CSMD2: variants seen among roughly 807,000 people sequenced by gnomAD.
CSMD2 encodes CUB and sushi domain-containing protein 2.
A neutral mutation model predicts 398.5 loss-of-function variants in CSMD2; 130 were observed. That is an observed-to-expected ratio of 0.33 (90% CI 0.28 to 0.38). The LOEUF is 0.38. CSMD2 is among the 10% of genes least tolerant of loss of function. The pLI is 1.00. For missense variants in CSMD2, 3,829 were observed against 4,764.9 expected (o/e 0.80, Z 5.78); for synonymous variants, 1,828 against 1,908.5 (o/e 0.96, Z 1.10).
At chr1:33,605,238 C>G in intron 42 of CSMD2, 44 bp downstream of exon 42, 1 of 1,576,808 alleles carries the variant, frequency 6.3e-7, no homozygotes, top group Non-Finnish European at 8.7e-7. Context: ...CCAGTCTCCA[C>G]GAGTACCCCA....
chr1:33,717,914 TATTC>T (rs879097850), intron 19 of CSMD2, among the ~76,000 whole-genome samples: 36 of 152,206 alleles, frequency 2.4e-4, no homozygotes, highest in Admixed American at 1.6e-3. Context: ...AAAGTAATGA[TATTC>T]ATTAACATTT....
chr1:34,081,445 C>T (rs757818307), intron 2 of CSMD2, among the ~76,000 whole-genome samples: 1 of 151,682 alleles, frequency 6.6e-6, no homozygotes, highest in Non-Finnish European at 1.5e-5. Flanking sequence ...CTTCGTCTCC[C>T]GCTTTCCATG....
chr1:33,602,337 C>G (rs752873334), intron 43 of CSMD2, 32 bp downstream of exon 43: 30 of 1,611,298 alleles, frequency 1.9e-5, no homozygotes, highest in Non-Finnish European at 2.5e-5. Context: ...ATGCTCCTTT[C>G]TAATTGGCTG....
At position 33,838,040 on chromosome 1, in the gene CSMD2, A is replaced by G. The variant is rs374193441; in HGVS notation, c.1033+8844T>C. On this transcript the variant is annotated intron_variant, in intron 6 of 70. Coordinates refer to ENST00000373381, the MANE Select transcript of CSMD2 (RefSeq NM_001281956.2). ...AGGACCTGTTAGGAGAGGAGAGAGC[A>G]AAGGGAGGCCTAACCTGTCTCCAAG... 7.7e-4 allele frequency among the ~76,000 whole-genome samples: 117 copies of G among 152,334 alleles called. No individual in the cohort carries two copies. The East Asian group carries it at 0.019, about 24-fold the overall frequency.
chr1:34,032,504 C>A (rs1037022729), intron 3 of CSMD2, 90 bp downstream of exon 3: 3 of 817,692 alleles, frequency 3.7e-6, no homozygotes, highest in African/African-American at 1.8e-5. Context: ...CTGAAGAACA[C>A]TTCCCTGCAT....
chr1:33,811,330 C>A (rs1189933155), intron 9 of CSMD2, among the ~76,000 whole-genome samples: 2 of 152,186 alleles, frequency 1.3e-5, no homozygotes, highest in Non-Finnish European at 2.9e-5. Flanking sequence ...GGACCTAATG[C>A]TGCTTAACTA....
chr1:33,624,661 C>G lies in CSMD2; in HGVS notation c.5501-18G>C, dbSNP rs759551667. On this transcript the variant is annotated intron_variant, in intron 34 of 70. Transcript: ENST00000373381. This position sits in a 1 kb window ranked among gnomAD's most constrained non-coding sequence, Gnocchi z 4.7. ...ACACGGCACTGGGAGGAGAGGCCAT[C>G]GGGTCAGAGGCTTTGTGGCCTCCCG... 4 of 1,607,860 alleles carry G rather than the reference C, an allele frequency of 2.5e-6. 1 individual carries two copies. The South Asian group carries it at 3.3e-5, about 13-fold the overall frequency.
chr1:33,703,930 G>T (rs555249238), intron 22 of CSMD2, among the ~76,000 whole-genome samples: 3 of 152,090 alleles, frequency 2.0e-5, no homozygotes, highest in African/African-American at 7.2e-5. Context: ...CATTGAAGTT[G>T]AGCATCTTTT....
intron 14 of CSMD2, among the ~76,000 whole-genome samples, chr1:33,740,880 G>A (rs1647038417): frequency 6.6e-6 from 1 of 152,150 alleles, no homozygotes; most frequent in Non-Finnish European, 1.5e-5. Flanking sequence ...GCAGGAATAT[G>A]GAGTTATTTC....
intron 20 of CSMD2, among the ~76,000 whole-genome samples, chr1:33,715,054 C>T (rs1477504975): frequency 2.6e-5 from 4 of 152,166 alleles, no homozygotes; most frequent in Admixed American, 1.3e-4. Context: ...TCTGCACCCA[C>T]TCCTGTGAGC....
rs373741132 is a variant in CSMD2, at chr1:33,614,024, G to A, written c.6133+480C>T. ...CCAGCTAGAATGTGCATACGAAGAA[G>A]AATGCAAACTCGATTTCTCATTGAT... On this transcript the variant is annotated intron_variant, in intron 40 of 70. Coordinates refer to ENST00000373381, the MANE Select transcript of CSMD2 (RefSeq NM_001281956.2). Among the ~76,000 whole-genome samples the A allele has an allele frequency of 1.2e-4, 19 of 152,184 alleles. No individual in the cohort carries two copies. In the East Asian group the frequency reaches 3.3e-3, roughly 26 times the overall value.
chr1:34,081,414 C>T (rs1657099828), intron 2 of CSMD2, among the ~76,000 whole-genome samples: 1 of 151,742 alleles, frequency 6.6e-6, no homozygotes, highest in South Asian at 2.1e-4. Flanking sequence ...CCCCCTCCCC[C>T]TCCCCCTCCC....
chr1:34,103,454 A>T (rs11577333), intron 1 of CSMD2, among the ~76,000 whole-genome samples: 2 of 151,404 alleles, frequency 1.3e-5, no homozygotes, highest in African/African-American at 2.4e-5. Context: ...ACCCGCCACC[A>T]CGCCCAGCTA....
chr1:33,858,851 A>C (rs989742638), intron 5 of CSMD2, among the ~76,000 whole-genome samples: 1 of 152,252 alleles, frequency 6.6e-6, no homozygotes, highest in African/African-American at 2.4e-5. Flanking sequence ...GTGTGAGTAC[A>C]TGAGTGAGTG....
chr1:33,658,094 A>T lies in CSMD2; in HGVS notation c.4299T>A (p.Asn1433Lys), dbSNP rs748997896. The change falls in exon 27 of 71, where the codon AAT becomes AAA. Residue 1433 changes from asparagine (N) to lysine (K), a missense_variant. Around this residue, in one of 5 missense-constraint regions of CSMD2, gnomAD observed 2,001 missense variants for 2,567.1 expected, o/e 0.78. Coordinates refer to ENST00000373381, the MANE Select transcript of CSMD2 (RefSeq NM_001281956.2). Reference protein sequence around the residue: ...TSCNDPGIPQNGSRSGDSWEA... With the variant: ...TSCNDPGIPQKGSRSGDSWEA... ...CCCAACTGTCACCACTCCGACTCCC[A>T]TTCTGCGGGATCCCAGGGTCATTGC... 3.1e-6 allele frequency: 5 copies of T among 1,614,014 alleles called. No homozygotes were observed. The highest frequency in any genetic ancestry group is 4.2e-6 in the Non-Finnish European group (5 of 1,180,016).
rs1389447920 is a variant in CSMD2 at position 34,163,379 on chromosome 1, T to G, written c.187+1532A>C. Reference sequence around the variant, plus strand: ...TCTGGGTGTCGGTGGCTATGACTCTTAGCAGAACCTAAGAAAGTCCCGTCA... The same window carrying G: ...TCTGGGTGTCGGTGGCTATGACTCTGAGCAGAACCTAAGAAAGTCCCGTCA... On this transcript the variant is annotated intron_variant, in intron 1 of 70. Coordinates refer to ENST00000373381, the MANE Select transcript of CSMD2 (RefSeq NM_001281956.2). The surrounding 1 kb of genome is among the most constrained non-coding windows in gnomAD (Gnocchi z 5.4). Among the ~76,000 whole-genome samples the G allele has an allele frequency of 6.6e-6, 1 of 152,094 alleles. No homozygotes were observed. Among genetic ancestry groups the G allele is most frequent in the Non-Finnish European group, 1.5e-5 (1 of 68,030 alleles).
chr1:34,087,097 GCA>G (rs1657969371), intron 2 of CSMD2, among the ~76,000 whole-genome samples: 1 of 152,034 alleles, frequency 6.6e-6, no homozygotes, highest in Non-Finnish European at 1.5e-5. Flanking sequence ...CTCTGCCACA[GCA>G]AGACCATCCT....
At chr1:33,936,748 T>G (rs60139836) in intron 3 of CSMD2, among the ~76,000 whole-genome samples, 7,925 of 152,254 alleles carry the variant, frequency 0.052, 666 homozygotes, top group African/African-American at 0.18. Flanking sequence ...CTGACCCAGC[T>G]TCCCCCTGCC....
chr1:34,032,846 C>A (rs1485348462), intron 2 of CSMD2, 140 bp from the exon 3 acceptor site: 7 of 614,794 alleles, frequency 1.1e-5, no homozygotes, highest in African/African-American at 2.0e-5. Context: ...TGATTCTCAG[C>A]AGAGGTGATG....
Sources: allele counts gnomAD v4.1 joint callset (sites outside exome capture counted in the v4.1 genomes callset), GRCh38; gene constraint gnomAD v4.1.1; regional missense constraint gnomAD v4.1.1; non-coding constraint Gnocchi (gnomAD v3.1); transcripts MANE v1.5; gene names NCBI Gene and HGNC (gene_info 2026-07-23, HGNC 2026-07-21).